Variants in MPPED1 observed in about 807,000 individuals in gnomAD.
MPPED1 encodes the protein metallophosphoesterase domain containing 1.
MPPED1 carries 16 observed loss-of-function variants against 36.2 expected under a neutral mutation model. The ratio of observed to expected loss-of-function variants is 0.44; its 90% confidence interval spans 0.30 to 0.67. MPPED1 has a LOEUF of 0.67. MPPED1 is among the 30% of genes least tolerant of loss of function. The pLI, the probability that MPPED1 is intolerant of heterozygous loss-of-function variation, is 0.10. For synonymous variants in MPPED1, 199 were observed against 191.3 expected, an observed-to-expected ratio of 1.04 and a Z score of -0.33; for missense variants, 307 against 453.4, an observed-to-expected ratio of 0.68 and a Z score of 2.93.
At chr22:43,433,837 C>T (rs568315771) in intron 2 of MPPED1, among the ~76,000 whole-genome samples, 2 of 152,254 alleles carry the variant, frequency 1.3e-5, no homozygotes, top group South Asian at 2.1e-4. Context: ...TTTGGTTTGC[C>T]GCATAATTAG....
intron 2 of MPPED1, among the ~76,000 whole-genome samples, chr22:43,425,424 A>G (rs1320571737): frequency 6.6e-6 from 1 of 152,258 alleles, no homozygotes; most frequent in Non-Finnish European, 1.5e-5. Flanking sequence ...TTCTGGCCGC[A>G]GTCCTGTTTC....
rs945623036 is a variant in MPPED1, at chr22:43,472,525, G to A, written c.407-2211G>A. ...CAGGCTGCTGGAGCTGAGATTCTGT[G>A]GCCTGCTAAGTACCAGTGGCCCCCA... On this transcript the variant is annotated intron_variant, in intron 3 of 6. Transcript: ENST00000443721. 1.4e-4 allele frequency among the ~76,000 whole-genome samples: 21 copies of A among 152,222 alleles called. 1 individual carries two copies. Among genetic ancestry groups the A allele is most frequent in the Admixed American group, 1.2e-3 (18 of 15,288 alleles).
intron 1 of MPPED1, among the ~76,000 whole-genome samples, chr22:43,413,323 G>A (rs951603885): frequency 6.6e-6 from 1 of 152,038 alleles, no homozygotes; most frequent in Non-Finnish European, 1.5e-5. Flanking sequence ...CTGCGGCGCC[G>A]GGGGGCGGGG....
chr22:43,490,100 C>A (rs1932037224), intron 4 of MPPED1, among the ~76,000 whole-genome samples: 1 of 152,310 alleles, frequency 6.6e-6, no homozygotes, highest in South Asian at 2.1e-4. Context: ...CCGATGCCCA[C>A]TTCAGTGCCC....
At chr22:43,424,372 G>A (rs934454310) in intron 1 of MPPED1, among the ~76,000 whole-genome samples, 1 of 152,154 alleles carries the variant, frequency 6.6e-6, no homozygotes, top group East Asian at 1.9e-4. Flanking sequence ...AATCGATGTC[G>A]AGGGAGGAAT....
intron 3 of MPPED1, among the ~76,000 whole-genome samples, chr22:43,454,047 C>T (rs548994148): frequency 3.9e-5 from 6 of 152,214 alleles, no homozygotes; most frequent in African/African-American, 1.2e-4. Context: ...TTCGCTCTGT[C>T]GCCCAGGCTG....
chr22:43,493,045 A>C (rs184290101), intron 4 of MPPED1, among the ~76,000 whole-genome samples: 1 of 152,298 alleles, frequency 6.6e-6, no homozygotes, highest in Admixed American at 6.5e-5. Context: ...TGTCTGAAAC[A>C]ATGAAAAGGC....
At chr22:43,447,887 T>A (rs200846550) in intron 3 of MPPED1, among the ~76,000 whole-genome samples, 1,659 of 41,426 alleles carry the variant, frequency 0.04, 58 homozygotes, top group African/African-American at 0.097. Flanking sequence ...ATATATATTT[T>A]TTTTTTTTTT....
chr22:43,500,636 C>T lies in MPPED1; in HGVS notation c.749-2008C>T, dbSNP rs1033793147. 1.1e-4 allele frequency among the ~76,000 whole-genome samples: 16 copies of T among 151,854 alleles called. 1 individual carries two copies. Among genetic ancestry groups the T allele is most frequent in the Non-Finnish European group, 2.1e-4 (14 of 67,944 alleles). On this transcript the variant is annotated intron_variant, in intron 5 of 6. Coordinates refer to ENST00000443721, the MANE Select transcript of MPPED1 (RefSeq NM_001044370.2). ...GTTCGGCCCATATCAGTGTCTTGCT[C>T]CCACCGCCACCTCCAGAAACCCACC...
At chr22:43,424,456 G>A (rs1215223624) in intron 1 of MPPED1, among the ~76,000 whole-genome samples, 1 of 152,172 alleles carries the variant, frequency 6.6e-6, no homozygotes, top group East Asian at 1.9e-4. Flanking sequence ...GTGTTTGGGG[G>A]TCTGTGGAGG....
At chr22:43,445,147 T>C (rs1023563033) in intron 3 of MPPED1, among the ~76,000 whole-genome samples, 4 of 152,214 alleles carry the variant, frequency 2.6e-5, no homozygotes, top group African/African-American at 7.2e-5. Flanking sequence ...ATCCATCTCA[T>C]TCCACTGGGA....
chr22:43,463,710 G>A (rs1931037620), intron 3 of MPPED1, among the ~76,000 whole-genome samples: 1 of 152,014 alleles, frequency 6.6e-6, no homozygotes, highest in African/African-American at 2.4e-5. Context: ...GTTTAAAAAA[G>A]CATTTTCCTG....
rs952917664 is a variant in MPPED1, at chr22:43,502,603, A to G, written c.749-41A>G. The G allele has an allele frequency of 6.5e-7, 1 of 1,544,270 alleles. No homozygotes were observed. The highest frequency in any genetic ancestry group is 8.9e-7 in the Non-Finnish European group (1 of 1,118,000). ...AGGCGTGGGGCAGTGAGGGGCTGGG[A>G]CAGACCGCGTCATGGCCTCCTGTTG... On this transcript the variant is annotated intron_variant, in intron 5 of 6. Transcript: ENST00000443721. This position sits in a 1 kb window ranked among gnomAD's most constrained non-coding sequence, Gnocchi z 5.5.
intron 3 of MPPED1, among the ~76,000 whole-genome samples, chr22:43,468,488 G>A (rs1931249744): frequency 6.6e-6 from 1 of 152,160 alleles, no homozygotes; most frequent in Non-Finnish European, 1.5e-5. Flanking sequence ...TACTCATCAG[G>A]CATGTCCTAC....
intron 2 of MPPED1, among the ~76,000 whole-genome samples, chr22:43,430,301 G>A (rs1027220886): frequency 6.6e-6 from 1 of 152,230 alleles, no homozygotes. Context: ...GCTTATGGGA[G>A]AGAAAGAACC....
At chr22:43,432,290 GGAGAGAGAGGGAAAGA>G (rs1569066966) in intron 2 of MPPED1, among the ~76,000 whole-genome samples, 2 of 148,966 alleles carry the variant, frequency 1.3e-5, no homozygotes, top group African/African-American at 2.5e-5. Flanking sequence ...GAGAAAGGGA[GGAGAGAGAGGGAAAGA>G]GAGAGAGAGA....
intron 6 of MPPED1, among the ~76,000 whole-genome samples, chr22:43,505,102 A>C (rs1292756115): frequency 1.3e-5 from 2 of 150,236 alleles, no homozygotes; most frequent in Non-Finnish European, 3.0e-5. Flanking sequence ...TTATGGTGGT[A>C]GTAGTGGTGA....
rs1929407435 is a variant in MPPED1, at chr22:43,424,931, G to T, written c.-55G>T. 1.9e-6 allele frequency: 3 copies of T among 1,540,118 alleles called. No individual in the cohort carries two copies. Among genetic ancestry groups the T allele is most frequent in the Middle Eastern group, 1.8e-4 (1 of 5,636 alleles). On this transcript the variant is annotated 5_prime_UTR_variant, in exon 2 of 7. Transcript: ENST00000443721. ...AGTCTGTTTCCAGGTCTGGCGGGGG[G>T]CCGGGCTGCGGTGGCGGCAGCGGTG...
At chr22:43,426,020 TCTGGGTGGTTCC>T (rs1929456166) in intron 2 of MPPED1, among the ~76,000 whole-genome samples, 1 of 152,140 alleles carries the variant, frequency 6.6e-6, no homozygotes, top group Admixed American at 6.5e-5. Flanking sequence ...CTGGCCCTGC[TCTGGGTGGTTCC>T]CTGAGTTCCT....
Sources: allele counts gnomAD v4.1 joint callset (sites outside exome capture counted in the v4.1 genomes callset), GRCh38; gene constraint gnomAD v4.1.1; non-coding constraint Gnocchi (gnomAD v3.1); transcripts MANE v1.5; gene names NCBI Gene and HGNC (gene_info 2026-07-23, HGNC 2026-07-21).